PHF14: variants seen among roughly 807,000 people sequenced by gnomAD.
The protein encoded by PHF14 is PHD finger protein 14.
A neutral mutation model predicts 117.9 loss-of-function variants in PHF14; 55 were observed. The observed-to-expected ratio is 0.47, with a 90% CI of 0.38 to 0.58. The LOEUF is 0.58. Ranked by LOEUF, PHF14 falls within the 20% of genes least tolerant of loss-of-function variation. The probability of loss-of-function intolerance (pLI) is 0.00; values close to 1 mark genes in which losing one functional copy is unlikely to be tolerated. For missense variants in PHF14, 978 were observed against 1,122.2 expected (o/e 0.87, Z 1.84); for synonymous variants, 409 against 368.6 (o/e 1.11, Z -1.26).
At chr7:10,977,397 T>A (rs943370810) in intron 2 of PHF14, among the ~76,000 whole-genome samples, 6 of 152,198 alleles carry the variant, frequency 3.9e-5, no homozygotes, top group Admixed American at 2.6e-4. Flanking sequence ...GATCAATTTC[T>A]TCTTACCTTC....
chr7:11,067,645 A>G (rs1191334213), intron 16 of PHF14, among the ~76,000 whole-genome samples: 1 of 152,204 alleles, frequency 6.6e-6, no homozygotes, highest in African/African-American at 2.4e-5. Context: ...AAGAAGAAAT[A>G]CCTGAGGGTG....
intron 5 of PHF14, among the ~76,000 whole-genome samples, chr7:11,017,178 C>G (rs1343021515): frequency 6.6e-6 from 1 of 151,522 alleles, no homozygotes; most frequent in Non-Finnish European, 1.5e-5. Flanking sequence ...GCTTCCAAAT[C>G]TTAGCTATTG....
intron 3 of PHF14, among the ~76,000 whole-genome samples, chr7:10,988,113 T>C (rs372471473): frequency 2.6e-5 from 4 of 152,114 alleles, no homozygotes; most frequent in African/African-American, 9.7e-5. Flanking sequence ...TGAAACATTG[T>C]CTGCTAGCCA....
chr7:11,047,080 T>C (rs1320650485), intron 13 of PHF14, among the ~76,000 whole-genome samples: 1 of 152,006 alleles, frequency 6.6e-6, no homozygotes, highest in Admixed American at 6.5e-5. Flanking sequence ...TTTTTTTTTC[T>C]TTTTTTGAGA....
At chr7:11,116,510 C>A (rs1583478232) in intron 17 of PHF14, among the ~76,000 whole-genome samples, 1 of 151,932 alleles carries the variant, frequency 6.6e-6, no homozygotes, top group East Asian at 1.9e-4. Flanking sequence ...TTGTAAATAA[C>A]TCCTTTGTAA....
At chr7:10,995,494 G>C (rs184331541) in intron 4 of PHF14, among the ~76,000 whole-genome samples, 1 of 152,208 alleles carries the variant, frequency 6.6e-6, no homozygotes, top group Non-Finnish European at 1.5e-5. Flanking sequence ...GCTTCACCCA[G>C]TGGATCCCGC....
intron 16 of PHF14, among the ~76,000 whole-genome samples, chr7:11,080,279 A>T (rs2128336037): frequency 6.6e-6 from 1 of 152,284 alleles, no homozygotes; most frequent in Admixed American, 6.5e-5. Flanking sequence ...ATTTAAAAAA[A>T]ACTTGATAAC....
At chr7:11,035,227 A>G (rs1784279897) in intron 7 of PHF14, among the ~76,000 whole-genome samples, 1 of 152,170 alleles carries the variant, frequency 6.6e-6, no homozygotes, top group South Asian at 2.1e-4. Context: ...ACTGCTTAAA[A>G]TATGTGGGAG....
At chr7:10,988,339 A>G (rs1009635897) in intron 3 of PHF14, among the ~76,000 whole-genome samples, 2 of 152,132 alleles carry the variant, frequency 1.3e-5, no homozygotes, top group Admixed American at 1.3e-4. Context: ...AAAATAGGAA[A>G]ATAGAGGAAT....
intron 16 of PHF14, among the ~76,000 whole-genome samples, chr7:11,096,282 A>G (rs3801450): frequency 0.36 from 54,633 of 151,914 alleles, 10,419 homozygotes; most frequent in East Asian, 0.73. Context: ...ATCAGTAACT[A>G]TCATCAAAAA....
intron 16 of PHF14, among the ~76,000 whole-genome samples, chr7:11,090,834 T>G (rs73679293): frequency 0.014 from 2,152 of 152,330 alleles, 45 homozygotes; most frequent in African/African-American, 0.049. Flanking sequence ...TAAAGAAGTC[T>G]TCATATAAAC....
At chr7:11,055,482 T>G (rs2353342) in intron 14 of PHF14, among the ~76,000 whole-genome samples, 54,464 of 152,024 alleles carry the variant, frequency 0.36, 10,390 homozygotes, top group East Asian at 0.74. Flanking sequence ...TTACAAATTC[T>G]GGTTGTGTTT....
intron 4 of PHF14, among the ~76,000 whole-genome samples, chr7:11,003,317 G>A (rs2128313524): frequency 6.6e-6 from 1 of 152,302 alleles, no homozygotes; most frequent in East Asian, 1.9e-4. Flanking sequence ...TGAATGACTT[G>A]TCTTTTTCTC....
At chr7:11,089,692 TG>T (rs1366483200) in intron 16 of PHF14, among the ~76,000 whole-genome samples, 1 of 152,086 alleles carries the variant, frequency 6.6e-6, no homozygotes, top group Non-Finnish European at 1.5e-5. Context: ...GGTTGATTAT[TG>T]CCTCATGAAT....
At chr7:11,007,137 G>C (rs950170805) in intron 4 of PHF14, among the ~76,000 whole-genome samples, 1 of 151,922 alleles carries the variant, frequency 6.6e-6, no homozygotes, top group Non-Finnish European at 1.5e-5. Context: ...AGATTGCAGT[G>C]AGCCGAGATC....
chr7:10,975,245 A>G (rs1781820501), intron 2 of PHF14, among the ~76,000 whole-genome samples: 1 of 152,256 alleles, frequency 6.6e-6, no homozygotes, highest in Non-Finnish European at 1.5e-5. Context: ...GAAAAAACTG[A>G]AAGATATCCC....
chr7:11,039,074 TTG>T, intron 11 of PHF14, among the ~76,000 whole-genome samples: 1 of 152,296 alleles, frequency 6.6e-6, no homozygotes, highest in Admixed American at 6.5e-5. Flanking sequence ...AACAGCTATC[TTG>T]TGTGCAAAAT....
chr7:11,042,809 T>C lies in PHF14; in HGVS notation c.2307T>C (p.Ser769=). 1 of 1,570,938 alleles carries C rather than the reference T, an allele frequency of 6.4e-7. No individual in the cohort carries two copies. Among genetic ancestry groups the C allele is most frequent in the Admixed American group, 1.8e-5 (1 of 54,246 alleles). The change falls in exon 13 of 18, where the codon AGT becomes AGC. Residue 769 remains serine (S), a synonymous_variant. Transcript: ENST00000634607. ...GGATGCCAAGAAAGACCAAAAACAG[T>C]TATTGGTGAGTAAAATAGAGGAGAT... The part of the protein sequence containing the change: ...LTRMPRKTKN[S]YWQCSECDQA...
chr7:11,097,635 C>T (rs1032215172), intron 16 of PHF14, among the ~76,000 whole-genome samples: 6 of 152,190 alleles, frequency 3.9e-5, no homozygotes, highest in Admixed American at 6.5e-5. Context: ...TGAATACTTT[C>T]CCTTACCACA....
Sources: allele counts gnomAD v4.1 joint callset (sites outside exome capture counted in the v4.1 genomes callset), GRCh38; gene constraint gnomAD v4.1.1; transcripts MANE v1.5; gene names NCBI Gene and HGNC (gene_info 2026-07-23, HGNC 2026-07-21).